The following CHD8 variants were observed in gnomAD, a reference collection of about 807,000 sequenced individuals.
CHD8 encodes the protein chromodomain helicase DNA binding protein 8.
Under a neutral mutation model 279.2 loss-of-function variants are expected in CHD8, and 31 were observed. That is an observed-to-expected ratio of 0.11 (90% CI 0.08 to 0.15). The LOEUF is 0.15. CHD8 is among the 10% of genes least tolerant of loss of function. The probability of loss-of-function intolerance (pLI) is 1.00; values close to 1 mark genes in which losing one functional copy is unlikely to be tolerated. For missense variants in CHD8, 2,146 were observed against 3,230.5 expected, an observed-to-expected ratio of 0.66 and a Z score of 8.14; for synonymous variants, 1,081 against 1,139.6, an observed-to-expected ratio of 0.95 and a Z score of 1.04.
At chr14:21,414,841 T>C in intron 8 of CHD8, 97 bp downstream of exon 8, 2 of 855,958 alleles carry the variant, frequency 2.3e-6, no homozygotes, top group South Asian at 3.0e-5. Flanking sequence ...GCTACAAGAC[T>C]ATAAAAAAGG....
At chr14:21,413,508 C>G (rs1456050010) in intron 9 of CHD8, among the ~76,000 whole-genome samples, 1 of 151,570 alleles carries the variant, frequency 6.6e-6, no homozygotes, top group Non-Finnish European at 1.5e-5. Context: ...GATTCTCCTG[C>G]TTCAGCCTCC....
At chr14:21,399,148 G>C (rs1441384773) in intron 26 of CHD8, 5 of 286,538 alleles carry the variant, frequency 1.7e-5, no homozygotes, top group Non-Finnish European at 7.0e-6. Flanking sequence ...TGCCTCTGAG[G>C]TGACATTATT....
chr14:21,389,957 G>A (rs1487901280), intron 37 of CHD8, among the ~76,000 whole-genome samples: 3 of 152,040 alleles, frequency 2.0e-5, no homozygotes, highest in Non-Finnish European at 2.9e-5. Context: ...ACTTAAGGCC[G>A]AGTGCGGTGG....
chr14:21,393,219 T>C lies in CHD8; in HGVS notation c.6355A>G (p.Ser2119Gly). ...QSRSKLYDEE[S>G]LLSLTMSQDG... The stretch of plus-strand genomic sequence containing the variant: ...TGGGACATAGTGAGGGACAGGAGAC[T>C]CTCTTCATCATAGAGCTTTGAGCGG... Residue 2119 changes from serine (S) to glycine (G), a missense_variant, in exon 33 of 38, where the codon AGT becomes GGT. Physicochemically the swap from Ser to Gly is moderately conservative, Grantham distance 56. Transcript: ENST00000646647. The C allele has an allele frequency of 6.2e-7, 1 of 1,613,934 alleles. No individual in the cohort carries two copies. Among genetic ancestry groups the C allele is most frequent in the South Asian group, 1.1e-5 (1 of 91,088 alleles).
chr14:21,391,387 C>T lies in CHD8; in HGVS notation c.7065+76G>A, dbSNP rs142829529. ...ATACAGAAACGATGATACAGTATGT[C>T]ATGCTTTCTCTTTCTCATGCAGCTT... On this transcript the variant is annotated intron_variant, in intron 36 of 37. Transcript: ENST00000646647. 283 of 1,374,556 alleles carry T rather than the reference C, an allele frequency of 2.1e-4. 1 individual carries two copies. The Admixed American group carries it at 5.5e-3, about 27-fold the overall frequency. 85.1% of individuals were successfully genotyped at this position (1,374,556 alleles called of 1,614,324 possible). A position where few individuals can be genotyped will look rare whatever the true frequency, so the allele number is the denominator to read the frequency against.
Position 21,435,370 on chromosome 14 carries a change from T to C in CHD8, c.-215-3512A>G, listed in dbSNP as rs559516767. On this transcript the variant is annotated intron_variant, in intron 1 of 37. Transcript: ENST00000646647. ...TATAGCCCTTCACTTCATCTCCTTC[T>C]TAAAGGTGAAACTACTGCTTCCCCT... Among the ~76,000 whole-genome samples the C allele has an allele frequency of 1.3e-3, 203 of 152,346 alleles. 1 individual carries two copies. The highest frequency in any genetic ancestry group is 2.7e-3 in the South Asian group (13 of 4,824).
intron 7 of CHD8, 114 bp downstream of exon 7, chr14:21,415,460 T>C (rs1888674378): frequency 5.9e-6 from 3 of 507,638 alleles, no homozygotes. Flanking sequence ...TATCTATGAA[T>C]AGCCACTGCA....
rs747938972 is a variant in CHD8, at chr14:21,405,101, C to G, written c.3307+108G>C. 30 of 1,093,298 alleles carry G rather than the reference C, an allele frequency of 2.7e-5. No homozygotes were observed. Among genetic ancestry groups the G allele is most frequent in the Non-Finnish European group, 4.0e-5 (30 of 754,952 alleles). 67.7% of individuals were successfully genotyped at this position (1,093,298 alleles called of 1,614,324 possible). ...TCCCTCCCATTCCTCAGTCCGCACC[C>G]CAAATTAGGTTGGTTGAGTCAATGC... On this transcript the variant is annotated intron_variant, in intron 16 of 37. Transcript: ENST00000646647. This position sits in a 1 kb window ranked among gnomAD's most constrained non-coding sequence, Gnocchi z 4.2.
At chr14:21,433,469 T>C (rs1889647583) in intron 1 of CHD8, among the ~76,000 whole-genome samples, 1 of 152,234 alleles carries the variant, frequency 6.6e-6, no homozygotes, top group South Asian at 2.1e-4. Context: ...CCATTTCTCC[T>C]AACTTTTGGA....
At chr14:21,392,900 T>C (rs932331603) in intron 33 of CHD8, 91 bp from the exon 34 acceptor site, 23 of 1,369,336 alleles carry the variant, frequency 1.7e-5, no homozygotes, top group Non-Finnish European at 2.3e-5. Flanking sequence ...ACTACCAGGA[T>C]GGGTAAAAAT....
Position 21,390,933 on chromosome 14 carries a change from G to A in CHD8, c.7182+14C>T, listed in dbSNP as rs760169318. On this transcript the variant is annotated intron_variant, in intron 37 of 37. Coordinates refer to ENST00000646647, the MANE Select transcript of CHD8 (RefSeq NM_001170629.2). ...AGTGTGGGAATAGAGTGGTAATGCT[G>A]CAATTTCTCTCACCTTTTTCCCATT... 4 of 1,365,184 alleles carry A rather than the reference G, an allele frequency of 2.9e-6. No homozygotes were observed. Among genetic ancestry groups the A allele is most frequent in the Non-Finnish European group, 4.1e-6 (4 of 965,630 alleles). 84.6% of individuals were successfully genotyped at this position (1,365,184 alleles called of 1,614,324 possible).
At chr14:21,428,806 A>G (rs913691945) in intron 3 of CHD8, among the ~76,000 whole-genome samples, 158 bp downstream of exon 3, 4 of 152,246 alleles carry the variant, frequency 2.6e-5, no homozygotes, top group African/African-American at 9.6e-5. Context: ...TATAATTAAA[A>G]TAAGGTTTCC....
chr14:21,425,617 G>A lies in CHD8; in HGVS notation c.1716+511C>T, dbSNP rs146664670. On this transcript the variant is annotated intron_variant, in intron 5 of 37. Transcript: ENST00000646647. ...TGGGATTACAGGTGTGAGCCACCAC[G>A]CCTGGCCAAGTATCACTATTTTTAT... 6.2e-3 allele frequency: 946 copies of A among 152,214 alleles called. 8 individuals carry two copies. The highest frequency in any genetic ancestry group is 0.012 in the Admixed American group (189 of 15,262). The allele number at this position is 152,214 out of a possible 1,614,324, so 9.4% of individuals were successfully genotyped here.
At chr14:21,426,325 C>A in intron 4 of CHD8, 83 bp from the exon 5 acceptor site, 2 of 689,652 alleles carry the variant, frequency 2.9e-6, no homozygotes, top group South Asian at 1.8e-5. Context: ...TAAACCATCA[C>A]ATACAAAACT....
At position 21,436,500 on chromosome 14, in the gene CHD8, G is replaced by A. The variant is rs534667740; in HGVS notation, c.-215-4642C>T. Among the ~76,000 whole-genome samples, 4 of 152,304 alleles carry A rather than the reference G, an allele frequency of 2.6e-5. No homozygotes were observed. The South Asian group carries it at 6.2e-4, about 24-fold the overall frequency. ...GCAATCACAATTTAGGGTCAGCAAA[G>A]GATCAGGATGGAAAGACATAGGACC... On this transcript the variant is annotated intron_variant, in intron 1 of 37. Transcript: ENST00000646647.
Position 21,394,605 on chromosome 14 carries a change from C to CAAAAAAAAAAAAAAAAAAAAAA in CHD8, c.5391-121_5391-120insTTTTTTTTTTTTTTTTTTTTTT, listed in dbSNP as rs3068337. The CAAAAAAAAAAAAAAAAAAAAAA allele has an allele frequency of 7.7e-5, 8 of 103,740 alleles. 4 individuals carry two copies. Among genetic ancestry groups the CAAAAAAAAAAAAAAAAAAAAAA allele is most frequent in the Non-Finnish European group, 6.5e-5 (4 of 61,198 alleles). 6.4% of individuals were successfully genotyped at this position (103,740 alleles called of 1,614,324 possible). Reference sequence around the variant, plus strand: ...AAAACACAAAAATTGAAAGTAGACGCAAAAAAAAAAAAAAAAAAAGGCCCA... The same window carrying CAAAAAAAAAAAAAAAAAAAAAA: ...AAAACACAAAAATTGAAAGTAGACGCAAAAAAAAAAAAAAAAAAAAAAAAAAAAAAAAAAAAAAAAAGGCCCA... On this transcript the variant is annotated intron_variant, in intron 30 of 37. Transcript: ENST00000646647.
chr14:21,456,107 G>A lies in CHD8; in HGVS notation c.-291C>T, dbSNP rs1890384031. On this transcript the variant is annotated 5_prime_UTR_variant, in exon 1 of 38. Transcript: ENST00000646647. ...TCCGAGAACAAGGCGCCTTCCGGCG[G>A]AGCATGGCCAGCCCTCGCCTCAATC... The A allele has an allele frequency of 6.6e-6, 1 of 152,188 alleles. No individual in the cohort carries two copies. The highest frequency in any genetic ancestry group is 2.1e-4 in the South Asian group (1 of 4,808). 9.4% of individuals were successfully genotyped at this position (152,188 alleles called of 1,614,324 possible). A position where few individuals can be genotyped will look rare whatever the true frequency, so the allele number is the denominator to read the frequency against.
chr14:21,399,438 GAACT>G, intron 26 of CHD8, 160 bp downstream of exon 26: 1 of 592,074 alleles, frequency 1.7e-6, no homozygotes, highest in Non-Finnish European at 3.1e-6. Flanking sequence ...CTATTTATAG[GAACT>G]AACTGCTCTG....
chr14:21,400,316 G>C lies in CHD8; in HGVS notation c.4571-9C>G, dbSNP rs372976584. ...CACAGGGATAGATAGACCTGGGAAA[G>C]GGGAGACATCAAAGACTTGGATTGA... On this transcript the variant is annotated splice_polypyrimidine_tract_variant and intron_variant, in intron 23 of 37. Transcript: ENST00000646647. The surrounding 1 kb of genome is among the most constrained non-coding windows in gnomAD (Gnocchi z 4.2). 55 of 1,613,578 alleles carry C rather than the reference G, an allele frequency of 3.4e-5. No homozygotes were observed. The highest frequency in any genetic ancestry group is 3.7e-5 in the Non-Finnish European group (44 of 1,179,842).
Sources: allele counts gnomAD v4.1 joint callset (sites outside exome capture counted in the v4.1 genomes callset), GRCh38; gene constraint gnomAD v4.1.1; non-coding constraint Gnocchi (gnomAD v3.1); transcripts MANE v1.5; gene names NCBI Gene and HGNC (gene_info 2026-07-23, HGNC 2026-07-21).